SLCO3A1: variants seen among roughly 807,000 people sequenced by gnomAD.
The protein encoded by SLCO3A1 is PGE1 transporter.
In SLCO3A1, 27 loss-of-function variants were observed where a neutral mutation model predicts 63.1. The observed-to-expected ratio is 0.43, with a 90% CI of 0.32 to 0.59. The LOEUF is 0.59. SLCO3A1 is among the 20% of genes least tolerant of loss of function. The probability of loss-of-function intolerance (pLI) is 0.09; values close to 1 mark genes in which losing one functional copy is unlikely to be tolerated. For missense variants in SLCO3A1, 773 were observed against 945.8 expected, an observed-to-expected ratio of 0.82 and a Z score of 2.40; for synonymous variants, 473 against 409.9, an observed-to-expected ratio of 1.15 and a Z score of -1.86.
intron 2 of SLCO3A1, among the ~76,000 whole-genome samples, chr15:91,952,235 G>C (rs781156301): frequency 4.0e-4 from 61 of 152,218 alleles, no homozygotes; most frequent in Admixed American, 1.9e-3. Context: ...CTGTTGAGTT[G>C]TAAGAGGTCT....
At chr15:91,997,215 G>A (rs1411941062) in intron 2 of SLCO3A1, among the ~76,000 whole-genome samples, 1 of 152,104 alleles carries the variant, frequency 6.6e-6, no homozygotes, top group Non-Finnish European at 1.5e-5. Context: ...TAACATTCAA[G>A]CCAAAAGCCA....
chr15:92,097,612 G>A (rs1314635941), intron 3 of SLCO3A1, among the ~76,000 whole-genome samples: 1 of 152,210 alleles, frequency 6.6e-6, no homozygotes, highest in African/African-American at 2.4e-5. Flanking sequence ...TCAGTCCCGT[G>A]TGGGCATCTC....
chr15:92,055,795 A>C (rs577139034), intron 2 of SLCO3A1, among the ~76,000 whole-genome samples: 1 of 152,342 alleles, frequency 6.6e-6, no homozygotes, highest in East Asian at 1.9e-4. Context: ...AGACGTTGTC[A>C]CATGAGATTC....
At chr15:91,986,636 C>T (rs2046057189) in intron 2 of SLCO3A1, among the ~76,000 whole-genome samples, 1 of 151,666 alleles carries the variant, frequency 6.6e-6, no homozygotes, top group African/African-American at 2.4e-5. Flanking sequence ...TGGGTTGACA[C>T]TTCCAGCGCA....
At chr15:92,161,591 G>A (rs2048437446) in intron 9 of SLCO3A1, 1 of 152,226 alleles carries the variant, frequency 6.6e-6, no homozygotes, top group Non-Finnish European at 1.5e-5. Flanking sequence ...GGGAAGCGAA[G>A]TTGTCAGTAT....
chr15:92,104,176 C>A, intron 3 of SLCO3A1, 103 bp from the exon 4 acceptor site: 1 of 1,346,168 alleles, frequency 7.4e-7, no homozygotes, highest in Non-Finnish European at 1.0e-6. Context: ...CAAGTCATTT[C>A]TAGAGCCCTT....
intron 7 of SLCO3A1, among the ~76,000 whole-genome samples, chr15:92,132,764 A>G (rs577513237): frequency 6.9e-6 from 1 of 145,474 alleles, no homozygotes; most frequent in African/African-American, 2.5e-5. Flanking sequence ...CACCTGTTTC[A>G]GTGAAATGCC....
rs1027345127 is a variant in SLCO3A1 at position 92,165,194 on chromosome 15, T to C, written c.*2059T>C. ...GTGGTATGGGGCCACCGTGATCAGC[T>C]ACCTGGGGCAGGATGCTTCTGAGAC... On this transcript the variant is annotated 3_prime_UTR_variant, in exon 10 of 10. Coordinates refer to ENST00000318445, the MANE Select transcript of SLCO3A1 (RefSeq NM_013272.4). 1.0e-6 allele frequency: 1 copy of C among 985,440 alleles called. No homozygotes were observed. The highest frequency in any genetic ancestry group is 1.2e-6 in the Non-Finnish European group (1 of 829,938). The allele number at this position is 985,440 out of a possible 1,614,324, so 61.0% of individuals were successfully genotyped here.
intron 2 of SLCO3A1, among the ~76,000 whole-genome samples, chr15:92,032,887 G>A (rs1490332179): frequency 6.6e-6 from 1 of 150,606 alleles, no homozygotes. Flanking sequence ...AGTCCATACA[G>A]CTGGCAGCTG....
At chr15:91,858,034 TCA>T (rs1410902238) in intron 1 of SLCO3A1, among the ~76,000 whole-genome samples, 3 of 152,196 alleles carry the variant, frequency 2.0e-5, no homozygotes, top group Non-Finnish European at 4.4e-5. Flanking sequence ...TGCTTTGTAG[TCA>T]CACTTTTTCT....
At chr15:91,926,558 C>CATGTGTGT (rs1555450155) in intron 2 of SLCO3A1, among the ~76,000 whole-genome samples, 3 of 126,042 alleles carry the variant, frequency 2.4e-5, no homozygotes, top group Non-Finnish European at 4.8e-5. Flanking sequence ...CCTGCCAAGC[C>CATGTGTGT]GTGTGTGTGT....
At chr15:92,138,755 C>A (rs1409371252) in intron 7 of SLCO3A1, among the ~76,000 whole-genome samples, 4 of 76,724 alleles carry the variant, frequency 5.2e-5, no homozygotes, top group African/African-American at 8.6e-5. Flanking sequence ...TGGGAGTTCA[C>A]TCATGATTTG....
At chr15:91,923,733 G>A (rs990449158) in intron 2 of SLCO3A1, among the ~76,000 whole-genome samples, 3 of 152,136 alleles carry the variant, frequency 2.0e-5, no homozygotes, top group African/African-American at 7.2e-5. Context: ...TCAGTAGTTA[G>A]GTATATTTTA....
At chr15:91,896,504 G>A (rs1898007759) in intron 1 of SLCO3A1, among the ~76,000 whole-genome samples, 1 of 152,164 alleles carries the variant, frequency 6.6e-6, no homozygotes, top group Non-Finnish European at 1.5e-5. Context: ...CCCAGTGGGA[G>A]GTAATTGACT....
At chr15:92,043,813 C>G (rs952608055) in intron 2 of SLCO3A1, among the ~76,000 whole-genome samples, 3 of 152,120 alleles carry the variant, frequency 2.0e-5, no homozygotes, top group Non-Finnish European at 2.9e-5. Flanking sequence ...CCCAAGAGGT[C>G]GAAATTATAA....
At chr15:92,034,430 G>A (rs191078829) in intron 2 of SLCO3A1, among the ~76,000 whole-genome samples, 34 of 151,540 alleles carry the variant, frequency 2.2e-4, no homozygotes, top group African/African-American at 6.5e-4. Context: ...CCTGGAAGTC[G>A]GGGGAATGTG....
intron 2 of SLCO3A1, among the ~76,000 whole-genome samples, chr15:92,025,508 A>G (rs1490847355): frequency 6.6e-6 from 1 of 152,180 alleles, no homozygotes; most frequent in Non-Finnish European, 1.5e-5. Flanking sequence ...GCTAGCAAAC[A>G]TATCAGTGGC....
At chr15:91,923,404 A>G (rs1898911878) in intron 2 of SLCO3A1, among the ~76,000 whole-genome samples, 1 of 152,232 alleles carries the variant, frequency 6.6e-6, no homozygotes, top group Non-Finnish European at 1.5e-5. Context: ...TCAGTCCTGA[A>G]TTAAACCAGC....
rs765504555 is a variant in SLCO3A1 at position 91,942,012 on chromosome 15, A to G, written c.646+25554A>G. 6.6e-6 allele frequency among the ~76,000 whole-genome samples: 1 copy of G among 152,210 alleles called. No individual in the cohort carries two copies. Among genetic ancestry groups the G allele is most frequent in the Non-Finnish European group, 1.5e-5 (1 of 68,028 alleles). On this transcript the variant is annotated intron_variant, in intron 2 of 9. Coordinates refer to ENST00000318445, the MANE Select transcript of SLCO3A1 (RefSeq NM_013272.4). This position sits in a 1 kb window ranked among gnomAD's most constrained non-coding sequence, Gnocchi z 4.1. ...CACGACAAAAATGAGAGAACAGTAC[A>G]AGGTGGAGAGTTTGTCATAAGCTTA...
Sources: allele counts gnomAD v4.1 joint callset (sites outside exome capture counted in the v4.1 genomes callset), GRCh38; gene constraint gnomAD v4.1.1; non-coding constraint Gnocchi (gnomAD v3.1); transcripts MANE v1.5; gene names NCBI Gene and HGNC (gene_info 2026-07-23, HGNC 2026-07-21).